The following DPP6 variants were observed in gnomAD, a reference collection of about 807,000 sequenced individuals.
DPP6 encodes A-type potassium channel modulatory protein DPP6.
Under a neutral mutation model 122.6 loss-of-function variants are expected in DPP6, and 69 were observed. The observed-to-expected ratio is 0.56, with a 90% CI of 0.46 to 0.69. The LOEUF (loss-of-function observed/expected upper bound fraction) is 0.69, where lower values mean the gene tolerates loss of function less well. Ranked by LOEUF, DPP6 falls within the 30% of genes least tolerant of loss-of-function variation. DPP6 has a pLI of 0.00. For missense variants in DPP6, 928 were observed against 1,116.9 expected, an observed-to-expected ratio of 0.83 and a Z score of 2.41; for synonymous variants, 418 against 433.1, an observed-to-expected ratio of 0.97 and a Z score of 0.43.
chr7:154,015,680 C>T (rs772961031), intron 1 of DPP6, among the ~76,000 whole-genome samples: 2 of 152,098 alleles, frequency 1.3e-5, no homozygotes, highest in African/African-American at 2.4e-5. Context: ...CAAGCCTCAT[C>T]GATCCCATCT....
At chr7:154,264,046 T>C (rs1266780710) in intron 1 of DPP6, among the ~76,000 whole-genome samples, 1 of 152,148 alleles carries the variant, frequency 6.6e-6, no homozygotes. Context: ...TGGTACACTA[T>C]AAAGAAAATA....
intron 16 of DPP6, among the ~76,000 whole-genome samples, chr7:154,827,210 A>G (rs869746): frequency 0.83 from 123,898 of 149,914 alleles, 51,198 homozygotes; most frequent in African/African-American, 0.86. Context: ...ACACACACAC[A>G]CACACACACA....
At chr7:154,447,626 G>C (rs531942264) in intron 2 of DPP6, among the ~76,000 whole-genome samples, 2 of 152,030 alleles carry the variant, frequency 1.3e-5, no homozygotes, top group East Asian at 3.9e-4. Context: ...GATATCACAA[G>C]GAAACAACAT....
chr7:153,867,976 C>A, the DPP6 span, among the ~76,000 whole-genome samples: 2 of 152,262 alleles, frequency 1.3e-5, no homozygotes, highest in East Asian at 3.9e-4. Flanking sequence ...TATGTTGAAC[C>A]AGCCTTGCAT....
chr7:154,607,351 A>AGATT (rs1246539698), intron 5 of DPP6, among the ~76,000 whole-genome samples: 1 of 116,776 alleles, frequency 8.6e-6, no homozygotes, highest in Non-Finnish European at 1.9e-5. Flanking sequence ...CGAGGTTAGG[A>AGATT]GATTGAGACC....
chr7:153,754,036 C>T, the DPP6 span, among the ~76,000 whole-genome samples: 1 of 152,142 alleles, frequency 6.6e-6, no homozygotes, highest in African/African-American at 2.4e-5. Flanking sequence ...AGCCTCTACC[C>T]ACAGGAGTTT....
At chr7:153,887,740 T>C (rs560934140) in intron 1 of DPP6, 1 of 1,612,716 alleles carries the variant, frequency 6.2e-7, no homozygotes, top group South Asian at 1.1e-5. Flanking sequence ...TGATGGTGAG[T>C]GCCACGGACA....
At chr7:154,583,398 G>A (rs1394894987) in intron 5 of DPP6, among the ~76,000 whole-genome samples, 1 of 152,270 alleles carries the variant, frequency 6.6e-6, no homozygotes, top group East Asian at 1.9e-4. Flanking sequence ...TCAGTCCTTG[G>A]TTCCACAGGC....
At chr7:154,465,925 C>G (rs377306710) in intron 2 of DPP6, among the ~76,000 whole-genome samples, 34 of 152,282 alleles carry the variant, frequency 2.2e-4, no homozygotes, top group Admixed American at 9.8e-4. Context: ...TATTGCAGGA[C>G]TATTCACAAT....
intron 1 of DPP6, among the ~76,000 whole-genome samples, chr7:153,937,669 AG>A (rs1052704856): frequency 1.3e-5 from 2 of 152,044 alleles, no homozygotes; most frequent in African/African-American, 4.8e-5. Context: ...GCTGGTCTCA[AG>A]CTCCTGACCT....
rs113236614 is a variant in DPP6 at position 153,922,765 on chromosome 7, C to T, written c.51+35031C>T. On this transcript the variant is annotated intron_variant, in intron 1 of 25. Coordinates refer to the DPP6 transcript ENST00000404039. ...ACATTTACCATGGCAAAAATACCAC[C>T]TTGCATCAGGAGAGAAAGGGTTCTA... 6.6e-3 allele frequency among the ~76,000 whole-genome samples: 1,007 copies of T among 152,274 alleles called. 4 individuals carry two copies. The highest frequency in any genetic ancestry group is 8.7e-3 in the Non-Finnish European group (589 of 68,016).
chr7:154,427,485 CAGA>C (rs1214400478), intron 1 of DPP6, among the ~76,000 whole-genome samples: 1 of 152,162 alleles, frequency 6.6e-6, no homozygotes, highest in Non-Finnish European at 1.5e-5. Flanking sequence ...CTTCAACTGT[CAGA>C]AGAGGCTGAA....
chr7:154,202,076 T>A (rs1420676718), intron 1 of DPP6, among the ~76,000 whole-genome samples: 4 of 152,186 alleles, frequency 2.6e-5, no homozygotes, highest in Non-Finnish European at 4.4e-5. Flanking sequence ...GGAGTGAGTT[T>A]TGGGAATTTA....
In DPP6 at chr7:154,479,379, G is replaced by A. The variant is rs181932610; in HGVS notation, c.457+4342G>A. ...TCGAGACCAGCCTGGCCAACATGGT[G>A]AAACCCTGTCTCTACTAAAAATACA... On this transcript the variant is annotated intron_variant, in intron 3 of 25. Coordinates refer to ENST00000377770, the MANE Select transcript of DPP6 (RefSeq NM_130797.4). Among the ~76,000 whole-genome samples the A allele has an allele frequency of 4.2e-3, 637 of 152,106 alleles. 4 individuals carry two copies. The highest frequency in any genetic ancestry group is 0.014 in the African/African-American group (579 of 41,496).
At chr7:154,668,197 T>TTATATATATATATATATATA (rs10668895) in intron 6 of DPP6, among the ~76,000 whole-genome samples, 453 of 36,406 alleles carry the variant, frequency 0.012, 52 homozygotes, top group Middle Eastern at 0.043. Context: ...TGTGTATATT[T>TTATATATATATATATATATA]TATATATATA....
intron 1 of DPP6, among the ~76,000 whole-genome samples, chr7:154,310,567 T>G (rs1806780049): frequency 6.6e-6 from 1 of 152,236 alleles, no homozygotes; most frequent in Non-Finnish European, 1.5e-5. Flanking sequence ...ATGCATTTTG[T>G]TATTTTATTC....
At chr7:154,791,991 T>C (rs1396840517) in intron 10 of DPP6, among the ~76,000 whole-genome samples, 1 of 152,228 alleles carries the variant, frequency 6.6e-6, no homozygotes, top group Non-Finnish European at 1.5e-5. Flanking sequence ...TGAAGATTAT[T>C]TGTACAAAAG....
intron 1 of DPP6, among the ~76,000 whole-genome samples, chr7:154,336,006 C>T (rs1487898423): frequency 6.6e-6 from 1 of 152,038 alleles, no homozygotes; most frequent in Non-Finnish European, 1.5e-5. Flanking sequence ...TCTTCCCAGG[C>T]AGGTCTCATC....
At chr7:153,977,332 G>A (rs1475496700) in intron 1 of DPP6, among the ~76,000 whole-genome samples, 4 of 152,340 alleles carry the variant, frequency 2.6e-5, no homozygotes, top group East Asian at 1.9e-4. Flanking sequence ...CTACCTAGCA[G>A]CAAAGTTACA....
Sources: allele counts gnomAD v4.1 joint callset (sites outside exome capture counted in the v4.1 genomes callset), GRCh38; gene constraint gnomAD v4.1.1; transcripts MANE v1.5; gene names NCBI Gene and HGNC (gene_info 2026-07-23, HGNC 2026-07-21).